FMN1: variants seen among roughly 807,000 people sequenced by gnomAD.
FMN1 encodes the protein formin-1.
Under a neutral mutation model 132.4 loss-of-function variants are expected in FMN1, and 110 were observed. The ratio of observed to expected loss-of-function variants is 0.83; its 90% CI spans 0.71 to 0.97. The LOEUF (loss-of-function observed/expected upper bound fraction) is 0.97, where lower values mean the gene tolerates loss of function less well. Among genes scored for constraint, FMN1 ranks in the 50% least tolerant of loss-of-function variants. The probability of loss-of-function intolerance (pLI) is 0.00; values close to 1 mark genes in which losing one functional copy is unlikely to be tolerated. For synonymous variants in FMN1, 722 were observed against 651.7 expected, an observed-to-expected ratio of 1.11 and a Z score of -1.64; for missense variants, 1,792 against 1,705.3, an observed-to-expected ratio of 1.05 and a Z score of -0.90.
chr15:33,131,314 G>A (rs951429328), intron 4 of FMN1, among the ~76,000 whole-genome samples: 1 of 126,128 alleles, frequency 7.9e-6, no homozygotes, highest in African/African-American at 3.1e-5. Flanking sequence ...GGGTGACAGA[G>A]TGAGACTCCA....
At chr15:33,100,656 A>T (rs1457935555) in intron 4 of FMN1, among the ~76,000 whole-genome samples, 1 of 152,232 alleles carries the variant, frequency 6.6e-6, no homozygotes, top group East Asian at 1.9e-4. Context: ...GTTCTAAAAT[A>T]TTAAACATAT....
chr15:33,082,460 C>CT (rs983796047), intron 5 of FMN1, among the ~76,000 whole-genome samples: 27 of 152,248 alleles, frequency 1.8e-4, no homozygotes, highest in African/African-American at 6.0e-4. Context: ...GGCCATACCT[C>CT]TTTTTAGGGT....
At position 32,766,777 on chromosome 15, in the gene FMN1, T is replaced by C. The variant is rs2056063246; in HGVS notation, c.*7533A>G. On this transcript the variant is annotated 3_prime_UTR_variant, in exon 21 of 21. Coordinates refer to ENST00000616417, the MANE Select transcript of FMN1 (RefSeq NM_001277313.2). ...GCCAAGGGAGCTACTCAGTTGTCTATGATGCAGAGGTGTGAAAAAATCTGG... is the reference window on the plus strand; with the variant it reads ...GCCAAGGGAGCTACTCAGTTGTCTACGATGCAGAGGTGTGAAAAAATCTGG... The C allele has an allele frequency of 6.6e-6, 1 of 151,872 alleles. No individual in the cohort carries two copies. 9.4% of individuals were successfully genotyped at this position (151,872 alleles called of 1,614,324 possible).
chr15:32,911,337 C>T (rs975467196), intron 10 of FMN1, among the ~76,000 whole-genome samples: 3 of 141,024 alleles, frequency 2.1e-5, no homozygotes, highest in Admixed American at 2.1e-4. Context: ...AAGGTTTGTT[C>T]CCTCAACCCT....
Position 33,174,775 on chromosome 15 carries a change from C to T in FMN1, c.-132+5423G>A, listed in dbSNP as rs143035272. On this transcript the variant is annotated intron_variant, in intron 3 of 20. Coordinates refer to ENST00000616417, the MANE Select transcript of FMN1 (RefSeq NM_001277313.2). The stretch of plus-strand genomic sequence containing the variant: ...GCTCCCATACTGTGAATATTACCAA[C>T]GACAAGATCCCTGTGTAACCCATAT... Among the ~76,000 whole-genome samples, 131 of 151,110 alleles carry T rather than the reference C, an allele frequency of 8.7e-4. 2 individuals are homozygous for T. The highest frequency in any genetic ancestry group is 2.9e-3 in the South Asian group (14 of 4,798).
chr15:33,034,246 T>C (rs2036085985), intron 6 of FMN1, among the ~76,000 whole-genome samples: 1 of 152,070 alleles, frequency 6.6e-6, no homozygotes, highest in Non-Finnish European at 1.5e-5. Flanking sequence ...CTAAACATGC[T>C]CCACCCACGG....
At chr15:33,157,898 G>A (rs1261122517) in intron 3 of FMN1, among the ~76,000 whole-genome samples, 1 of 151,908 alleles carries the variant, frequency 6.6e-6, no homozygotes, top group African/African-American at 2.4e-5. Flanking sequence ...GCTGAGGCAA[G>A]GGGATTGCCT....
Position 32,926,237 on chromosome 15 carries a change from GT to G in FMN1, c.3162del (p.Lys1054AsnfsTer9). 1 of 1,505,184 alleles carries G rather than the reference GT, an allele frequency of 6.6e-7. No individual in the cohort carries two copies. The highest frequency in any genetic ancestry group is 9.0e-7 in the Non-Finnish European group (1 of 1,113,792). The allele number at this position is 1,505,184 out of a possible 1,614,324, so 93.2% of individuals were successfully genotyped here. On this transcript the variant is annotated frameshift_variant, in exon 10 of 21. Coordinates refer to ENST00000616417, the MANE Select transcript of FMN1 (RefSeq NM_001277313.2). LOFTEE classifies it high-confidence loss of function. ...ATCAAGATTCCCACAGTTTGAGATC[GT>G]TTTCCATCCAACAATTTGATGATCT... The part of the protein sequence containing the change: ...VKKIIKLLDG[K>X]RSQTVGILIS...
intron 16 of FMN1, among the ~76,000 whole-genome samples, chr15:32,874,784 T>C (rs1234308037): frequency 6.6e-6 from 1 of 152,252 alleles, no homozygotes; most frequent in African/African-American, 2.4e-5. Flanking sequence ...AGAATAAATA[T>C]TTGCTGAACA....
chr15:32,933,886 T>C (rs987767099), intron 9 of FMN1, among the ~76,000 whole-genome samples: 2 of 152,196 alleles, frequency 1.3e-5, no homozygotes, highest in African/African-American at 2.4e-5. Flanking sequence ...GAGTCTAAAA[T>C]GACTATTATA....
In FMN1 at chr15:33,082,020, GGTGTGT is replaced by G. The variant is rs57369569; in HGVS notation, c.2043+6773_2043+6778del. On this transcript the variant is annotated intron_variant, in intron 5 of 20. Coordinates refer to ENST00000616417, the MANE Select transcript of FMN1 (RefSeq NM_001277313.2). ...CCAGAATCAACAAGAAGAGTTCAGG[GGTGTGT>G]GTGTGTGTGTGTGTGTGTGTGTGTG... is the stretch of plus-strand genomic sequence containing the variant. 3.6e-3 allele frequency among the ~76,000 whole-genome samples: 422 copies of G among 117,816 alleles called. 3 individuals are homozygous for G. The highest frequency in any genetic ancestry group is 0.014 in the South Asian group (52 of 3,620). 77.3% of individuals were successfully genotyped at this position (117,816 alleles called of 152,430 possible). A position where few individuals can be genotyped will look rare whatever the true frequency, so the allele number is the denominator to read the frequency against.
intron 4 of FMN1, among the ~76,000 whole-genome samples, chr15:33,127,394 TC>T (rs1164563830): frequency 4.6e-5 from 7 of 152,098 alleles, no homozygotes; most frequent in African/African-American, 1.4e-4. Context: ...ACTTTACCAG[TC>T]TCAAAGGATG....
At chr15:33,057,558 C>A (rs2037274907) in intron 6 of FMN1, among the ~76,000 whole-genome samples, 1 of 152,220 alleles carries the variant, frequency 6.6e-6, no homozygotes, top group Non-Finnish European at 1.5e-5. Context: ...CCACATGTCA[C>A]AGCTGGCACA....
chr15:33,123,891 T>C (rs141471806), intron 4 of FMN1, among the ~76,000 whole-genome samples: 127 of 152,318 alleles, frequency 8.3e-4, no homozygotes, highest in African/African-American at 2.8e-3. Context: ...TCAAATGATA[T>C]AAGGAATCTC....
rs1256582353 is a variant in FMN1 at position 32,798,927 on chromosome 15, C to T, written c.4007G>A (p.Gly1336Glu). Residue 1336 changes from glycine to glutamate, a missense_variant, in exon 19 of 21, where the codon GGG becomes GAG. By Grantham distance (98) the Gly-to-Glu change is moderately conservative. Transcript: ENST00000616417. ...CTTCTCACCAGACTTTGGCTTCATC[C>T]CAAAATATCGTACTGTTGTTTCAAA... ...KSFETTVRYF[G>E]MKPKSGEKEI... The T allele has an allele frequency of 1.2e-6, 2 of 1,613,374 alleles. No homozygotes were observed. The highest frequency in any genetic ancestry group is 2.7e-5 in the African/African-American group (2 of 74,832).
Position 32,769,204 on chromosome 15 carries a change from C to A in FMN1, c.*5106G>T, listed in dbSNP as rs1351858806. On this transcript the variant is annotated 3_prime_UTR_variant, in exon 21 of 21. Transcript: ENST00000616417. ...TTTCCAAGTTGTTAACTACACGTTTCCCAAATCCTAACTTTATATCACAGT... is the reference window on the plus strand; with the variant it reads ...TTTCCAAGTTGTTAACTACACGTTTACCAAATCCTAACTTTATATCACAGT... The A allele has an allele frequency of 6.6e-6, 1 of 152,206 alleles. No homozygotes were observed. The allele number at this position is 152,206 out of a possible 1,614,324, so 9.4% of individuals were successfully genotyped here.
At chr15:32,990,479 C>T (rs1451335522) in intron 7 of FMN1, among the ~76,000 whole-genome samples, 5 of 152,106 alleles carry the variant, frequency 3.3e-5, no homozygotes, top group Non-Finnish European at 7.4e-5. Flanking sequence ...GAACGGAATT[C>T]AAGTGGTAAG....
intron 16 of FMN1, among the ~76,000 whole-genome samples, chr15:32,873,967 T>C (rs1307310678): frequency 1.3e-5 from 2 of 152,100 alleles, no homozygotes; most frequent in East Asian, 1.9e-4. Context: ...TTTTACTCCA[T>C]TTCATTAATG....
chr15:33,151,696 C>G (rs975171748), intron 4 of FMN1, among the ~76,000 whole-genome samples: 3 of 150,606 alleles, frequency 2.0e-5, no homozygotes, highest in Non-Finnish European at 2.9e-5. Flanking sequence ...CTCCAGAAAT[C>G]TCTCTCTTAA....
Sources: allele counts gnomAD v4.1 joint callset (sites outside exome capture counted in the v4.1 genomes callset), GRCh38; gene constraint gnomAD v4.1.1; transcripts MANE v1.5; gene names NCBI Gene and HGNC (gene_info 2026-07-23, HGNC 2026-07-21).